ZMAT3: variants seen among roughly 807,000 people sequenced by gnomAD.
ZMAT3 encodes the protein zinc finger matrin-type 3, also known as zinc finger matrin-type protein 3.
ZMAT3 carries 17 observed loss-of-function variants against 32.3 expected under a neutral mutation model. The ratio of observed to expected loss-of-function variants is 0.53; its 90% CI spans 0.36 to 0.79. The LOEUF (loss-of-function observed/expected upper bound fraction) is 0.79. Ranked by LOEUF, ZMAT3 falls within the 30% of genes least tolerant of loss-of-function variation. The pLI, the probability that ZMAT3 is intolerant of heterozygous loss-of-function variation, is 0.00. For missense variants in ZMAT3, 329 were observed against 359.7 expected (o/e 0.91, Z 0.69); for synonymous variants, 120 against 133.1 (o/e 0.90, Z 0.68).
At chr3:179,062,426 G>C (rs1377424395) in intron 2 of ZMAT3, among the ~76,000 whole-genome samples, 1 of 152,142 alleles carries the variant, frequency 6.6e-6, no homozygotes, top group Non-Finnish European at 1.5e-5. Flanking sequence ...AGGTGAAAAG[G>C]TGATGAAATC....
rs917968998 is a variant in ZMAT3, at chr3:179,019,080, T to C, written c.*5937A>G. On this transcript the variant is annotated 3_prime_UTR_variant, in exon 6 of 6. Coordinates refer to ENST00000311417, the MANE Select transcript of ZMAT3 (RefSeq NM_022470.4). ...AAACCCCAATCAGTAATTTACAGTT[T>C]TTTGAAGAAGCTGCATAGTTTGGCA... 1 of 152,128 alleles carries C rather than the reference T, an allele frequency of 6.6e-6. No homozygotes were observed. Among genetic ancestry groups the C allele is most frequent in the Non-Finnish European group, 1.5e-5 (1 of 67,996 alleles). 9.4% of individuals were successfully genotyped at this position (152,128 alleles called of 1,614,324 possible).
In ZMAT3 at chr3:179,067,800, G is replaced by A. The variant is rs973501391; in HGVS notation, c.-48C>T. The A allele has an allele frequency of 5.6e-6, 9 of 1,594,688 alleles. No homozygotes were observed. Among genetic ancestry groups the A allele is most frequent in the Non-Finnish European group, 7.7e-6 (9 of 1,169,816 alleles). On this transcript the variant is annotated 5_prime_UTR_variant, in exon 2 of 6. Coordinates refer to ENST00000311417, the MANE Select transcript of ZMAT3 (RefSeq NM_022470.4). ...AATCCAGTGGGTGATGAGAAGCAAG[G>A]TCTTCAAATCTGAATCAACAGCAAA... is the stretch of plus-strand genomic sequence containing the variant.
intron 2 of ZMAT3, among the ~76,000 whole-genome samples, chr3:179,037,689 C>T (rs1008829945): frequency 6.6e-6 from 1 of 152,136 alleles, no homozygotes; most frequent in South Asian, 2.1e-4. Flanking sequence ...CATTTCCTCC[C>T]GCTTGCTGAA....
At chr3:179,051,748 A>G (rs533787935) in intron 2 of ZMAT3, among the ~76,000 whole-genome samples, 7 of 152,342 alleles carry the variant, frequency 4.6e-5, no homozygotes, top group African/African-American at 1.7e-4. Flanking sequence ...GAACAAATCT[A>G]GAGGTCTTAC....
intron 2 of ZMAT3, among the ~76,000 whole-genome samples, chr3:179,044,136 A>G (rs1720100681): frequency 6.6e-6 from 1 of 152,258 alleles, no homozygotes; most frequent in African/African-American, 2.4e-5. Flanking sequence ...AGTGTAAATT[A>G]GTTCAACCAC....
intron 2 of ZMAT3, among the ~76,000 whole-genome samples, chr3:179,036,034 C>T (rs1719571926): frequency 6.6e-6 from 1 of 152,150 alleles, no homozygotes; most frequent in African/African-American, 2.4e-5. Flanking sequence ...TTGAAATACA[C>T]AGGGGGCTCA....
In ZMAT3 at chr3:179,067,496, T is replaced by C. The variant is rs369249551; in HGVS notation, c.257A>G (p.Gln86Arg). 6.2e-7 allele frequency: 1 copy of C among 1,614,156 alleles called. No individual in the cohort carries two copies. The highest frequency in any genetic ancestry group is 8.5e-7 in the Non-Finnish European group (1 of 1,180,008). ...TTCTCCCTTTACCTGATAATGAGCC[T>C]GGGCTTGCTGTGCAGAGTTCAAGGT... The part of the protein sequence containing the change: ...NVTLNSAQQA[Q>R]AHYQGKNHGK... The change falls in exon 2 of 6, where the codon CAG (glutamine) becomes CGG (arginine). Residue 86 changes from glutamine (Q) to arginine (R), a missense_variant. Coordinates refer to ENST00000311417, the MANE Select transcript of ZMAT3 (RefSeq NM_022470.4).
Position 179,023,710 on chromosome 3 carries a change from A to ATTT in ZMAT3, c.*1304_*1306dup, listed in dbSNP as rs1164517696. The stretch of plus-strand genomic sequence containing the variant: ...GGAAAATATATCTATATATATATAT[A>ATTT]TTTTTTTTTTTTTTTTTTTTTTTTT... On this transcript the variant is annotated 3_prime_UTR_variant, in exon 6 of 6. Coordinates refer to ENST00000311417, the MANE Select transcript of ZMAT3 (RefSeq NM_022470.4). 14 of 25,060 alleles carry ATTT rather than the reference A, an allele frequency of 5.6e-4. 1 individual carries two copies. Among genetic ancestry groups the ATTT allele is most frequent in the Non-Finnish European group, 7.2e-4 (12 of 16,730 alleles). 1.6% of individuals were successfully genotyped at this position (25,060 alleles called of 1,614,324 possible). A position where few individuals can be genotyped will look rare whatever the true frequency, so the allele number is the denominator to read the frequency against.
chr3:179,060,445 C>G (rs928349419), intron 2 of ZMAT3, among the ~76,000 whole-genome samples: 1 of 151,738 alleles, frequency 6.6e-6, no homozygotes, highest in African/African-American at 2.4e-5. Context: ...AGTTCGACAC[C>G]AGCCTGGGCA....
chr3:179,070,507 A>G (rs1721655240), intron 1 of ZMAT3, among the ~76,000 whole-genome samples: 1 of 152,244 alleles, frequency 6.6e-6, no homozygotes, highest in South Asian at 2.1e-4. Context: ...CAATTGCATC[A>G]AATATTAGTA....
chr3:179,048,890 T>G (rs1303731707), intron 2 of ZMAT3, among the ~76,000 whole-genome samples: 2 of 151,630 alleles, frequency 1.3e-5, no homozygotes, highest in African/African-American at 4.8e-5. Context: ...GCAAAACGGA[T>G]AAGAATTCAC....
chr3:179,066,011 A>G (rs1200288791), intron 2 of ZMAT3, among the ~76,000 whole-genome samples: 3 of 152,246 alleles, frequency 2.0e-5, no homozygotes, highest in Non-Finnish European at 2.9e-5. Context: ...TAATAATTAA[A>G]CCTTTAGAAC....
At chr3:179,025,765 C>A (rs1718834582) in intron 5 of ZMAT3, among the ~76,000 whole-genome samples, 1 of 152,082 alleles carries the variant, frequency 6.6e-6, no homozygotes, top group Non-Finnish European at 1.5e-5. Flanking sequence ...TATAATAATG[C>A]TATAGAAAAC....
chr3:179,045,267 T>C (rs1720169256), intron 2 of ZMAT3, among the ~76,000 whole-genome samples: 1 of 152,078 alleles, frequency 6.6e-6, no homozygotes, highest in African/African-American at 2.4e-5. Flanking sequence ...GTTAAATACA[T>C]TATGACCCAG....
rs200210559 is a variant in ZMAT3 at position 179,070,116 on chromosome 3, G to A, written c.-58+1479C>T. On this transcript the variant is annotated intron_variant, in intron 1 of 5. Coordinates refer to ENST00000311417, the MANE Select transcript of ZMAT3 (RefSeq NM_022470.4). ...TGCTAGTTCATTAGTGAAAAGGTGG[G>A]GGGGGGTGTCAAAACCTCTGGATAA... is the stretch of plus-strand genomic sequence containing the variant. 3.4e-4 allele frequency among the ~76,000 whole-genome samples: 38 copies of A among 112,528 alleles called. 1 individual carries two copies. The highest frequency in any genetic ancestry group is 0.01 in the Middle Eastern group (2 of 192). The allele number at this position is 112,528 out of a possible 152,430, so 73.8% of individuals were successfully genotyped here.
In ZMAT3 at chr3:179,019,746, TC is replaced by T. The variant is rs1362950119; in HGVS notation, c.*5270del. 4 of 152,224 alleles carry T rather than the reference TC, an allele frequency of 2.6e-5. No homozygotes were observed. The highest frequency in any genetic ancestry group is 9.6e-5 in the African/African-American group (4 of 41,498). 9.4% of individuals were successfully genotyped at this position (152,224 alleles called of 1,614,324 possible). ...TTCAAACCTGATTTGTGAAGATGCT[TC>T]ATTTAATATAGAAATGAACTAACAC... On this transcript the variant is annotated 3_prime_UTR_variant, in exon 6 of 6. Coordinates refer to ENST00000311417, the MANE Select transcript of ZMAT3 (RefSeq NM_022470.4).
At chr3:179,070,647 G>C (rs1185344425) in intron 1 of ZMAT3, among the ~76,000 whole-genome samples, 2 of 152,172 alleles carry the variant, frequency 1.3e-5, no homozygotes, top group Non-Finnish European at 2.9e-5. Flanking sequence ...CTGTTGCATT[G>C]GTTTAAAAGG....
intron 2 of ZMAT3, among the ~76,000 whole-genome samples, chr3:179,043,559 T>C (rs1720070279): frequency 6.6e-6 from 1 of 152,150 alleles, no homozygotes; most frequent in Non-Finnish European, 1.5e-5. Context: ...TTACTCCTTA[T>C]ACAAAAATTA....
chr3:179,041,911 C>A (rs544753693), intron 2 of ZMAT3, among the ~76,000 whole-genome samples: 4 of 151,972 alleles, frequency 2.6e-5, no homozygotes, highest in Non-Finnish European at 5.9e-5. Flanking sequence ...ATGTCACCAC[C>A]GATCCCACAG....
Sources: gnomAD v4.1 joint callset for allele counts (sites outside exome capture counted in the v4.1 genomes callset) on GRCh38, gnomAD v4.1.1 for gene constraint, MANE v1.5 for transcripts, NCBI Gene and HGNC (gene_info 2026-07-23, HGNC 2026-07-21) for gene names.